S100P: variants seen among roughly 807,000 people sequenced by gnomAD.
S100P encodes S100 calcium binding protein P, also known as protein S100-P.
Under a neutral mutation model 4.7 loss-of-function variants are expected in S100P, and 7 were observed. The ratio of observed to expected loss-of-function variants is 1.48; its 90% CI spans 0.84 to 2.77. S100P has a LOEUF of 2.77. Ranked by LOEUF, S100P falls within the 30% of genes most tolerant of loss-of-function variation. The pLI is 0.00. For synonymous variants in S100P, 48 were observed against 49.0 expected (o/e 0.98, Z 0.08); for missense variants, 122 against 120.6 (o/e 1.01, Z -0.06).
intron 1 of S100P, 49 bp from the exon 2 acceptor site, chr4:6,696,844 C>A: frequency 6.4e-7 from 1 of 1,571,220 alleles, no homozygotes. Context: ...GAGGCTGAGG[C>A]CCTGCACAGG....
chr4:6,694,180 G>T (rs1294678368), intron 1 of S100P, 110 bp downstream of exon 1: 3 of 1,051,524 alleles, frequency 2.9e-6, no homozygotes, highest in South Asian at 3.3e-5. Flanking sequence ...GGGGCTCAGA[G>T]GCAAGAGGGA....
At position 6,694,024 on chromosome 4, in the gene S100P, G is replaced by A. The variant is rs866006725; in HGVS notation, c.92G>A (p.Gly31Glu). ...SEGSTQTLTK[G>E]ELKVLMEKEL... ...GGCAGCACGCAGACCCTGACCAAGG[G>A]GGAGCTCAAGGTGCTGATGGAGAAG... Residue 31 changes from glycine (G) to glutamate (E), a missense_variant, in exon 1 of 2, where the codon GGG becomes GAG. Coordinates refer to ENST00000296370, the MANE Select transcript of S100P (RefSeq NM_005980.3). 5.0e-6 allele frequency: 8 copies of A among 1,613,810 alleles called. No homozygotes were observed. Among genetic ancestry groups the A allele is most frequent in the African/African-American group, 1.3e-5 (1 of 74,938 alleles).
intron 1 of S100P, among the ~76,000 whole-genome samples, chr4:6,696,202 C>T (rs1490866094): frequency 2.6e-5 from 4 of 152,222 alleles, no homozygotes; most frequent in South Asian, 2.1e-4. Context: ...ACAGTGAGAA[C>T]GCTTTGCTAT....
intron 1 of S100P, among the ~76,000 whole-genome samples, chr4:6,694,278 GA>G (rs1180150242): frequency 6.6e-6 from 1 of 152,242 alleles, no homozygotes; most frequent in Non-Finnish European, 1.5e-5. Context: ...TGAGCAGGGA[GA>G]GGGTGTGGTC....
rs117010755 is a variant in S100P at position 6,694,628 on chromosome 4, G to C, written c.138+558G>C. Among the ~76,000 whole-genome samples, 112 of 152,276 alleles carry C rather than the reference G, an allele frequency of 7.4e-4. 1 individual carries two copies. The East Asian group carries it at 0.019, about 26-fold the overall frequency. On this transcript the variant is annotated intron_variant, in intron 1 of 1. Coordinates refer to ENST00000296370, the MANE Select transcript of S100P (RefSeq NM_005980.3). ...GCTGTGGACCTCCCTTGGGCTCCCT[G>C]CCAGGGAGGAGCCACCGGCCTGAGC...
chr4:6,696,540 G>A (rs1234935004), intron 1 of S100P, among the ~76,000 whole-genome samples: 2 of 152,218 alleles, frequency 1.3e-5, no homozygotes, highest in South Asian at 2.1e-4. Flanking sequence ...ACAAAAAATA[G>A]AGCAAAGACT....
intron 1 of S100P, among the ~76,000 whole-genome samples, chr4:6,694,529 C>A (rs745482013): frequency 6.2e-4 from 94 of 152,320 alleles, no homozygotes; most frequent in Non-Finnish European, 1.1e-3. Context: ...TTCCCAGGCC[C>A]CTTGTTGCCT....
chr4:6,694,253 G>A (rs1001060511), intron 1 of S100P, among the ~76,000 whole-genome samples, 183 bp downstream of exon 1: 1 of 152,238 alleles, frequency 6.6e-6, no homozygotes, highest in Admixed American at 6.5e-5. Context: ...TAAAGGCAGG[G>A]GAGGCGGGAG....
chr4:6,696,396 C>CT (rs1419981321), intron 1 of S100P, among the ~76,000 whole-genome samples: 4 of 152,178 alleles, frequency 2.6e-5, no homozygotes, highest in African/African-American at 9.7e-5. Flanking sequence ...CCCTTGGGCC[C>CT]TCTGGGCCTT....
intron 1 of S100P, among the ~76,000 whole-genome samples, chr4:6,694,885 T>C (rs966239776): frequency 4.6e-5 from 7 of 152,026 alleles, no homozygotes; most frequent in African/African-American, 1.4e-4. Flanking sequence ...TAATCAAAAA[T>C]GAAAGCCTGA....
rs761787079 is a variant in S100P at position 6,697,071 on chromosome 4, A to G, written c.*29A>G. On this transcript the variant is annotated 3_prime_UTR_variant, in exon 2 of 2. Coordinates refer to ENST00000296370, the MANE Select transcript of S100P (RefSeq NM_005980.3). ...CCTGGAGATGTCACAGATTCCTGGCAGAGCCATGGTCCCAGGCTTCCCAAA... is the reference window on the plus strand; with the variant it reads ...CCTGGAGATGTCACAGATTCCTGGCGGAGCCATGGTCCCAGGCTTCCCAAA... The G allele has an allele frequency of 3.0e-5, 48 of 1,598,286 alleles. No individual in the cohort carries two copies. Among genetic ancestry groups the G allele is most frequent in the Non-Finnish European group, 3.8e-5 (45 of 1,169,292 alleles).
intron 1 of S100P, 81 bp from the exon 2 acceptor site, chr4:6,696,812 T>G: frequency 1.4e-6 from 2 of 1,416,058 alleles, no homozygotes; most frequent in South Asian, 1.3e-5. Context: ...GCCCTGCTCC[T>G]GCCCAGCAGC....
chr4:6,694,090 C>T lies in S100P; in HGVS notation c.138+20C>T, dbSNP rs1399716978. 1 of 1,592,276 alleles carries T rather than the reference C, an allele frequency of 6.3e-7. No homozygotes were observed. Among genetic ancestry groups the T allele is most frequent in the South Asian group, 1.1e-5 (1 of 88,508 alleles). The stretch of plus-strand genomic sequence containing the variant: ...CTGCAGGTGAGCCAGGCCGGCAGTG[C>T]TGGACTCAGCGGGGGCTGGGGAAGA... On this transcript the variant is annotated intron_variant, in intron 1 of 1. Coordinates refer to ENST00000296370, the MANE Select transcript of S100P (RefSeq NM_005980.3).
In S100P at chr4:6,696,914, G is replaced by A. The variant is rs150927175; in HGVS notation, c.160G>A (p.Val54Met). Residue 54 changes from valine (V) to methionine (M), a missense_variant, in exon 2 of 2, where the codon GTG (valine) becomes ATG (methionine). By Grantham distance (21) the Val-to-Met change is conservative (BLOSUM62 1). Transcript: ENST00000296370. The part of the protein sequence containing the change: ...FLQSGKDKDA[V>M]DKLLKDLDAN... Reference sequence around the variant, plus strand: ...CTAGAGTGGAAAAGACAAGGATGCCGTGGATAAATTGCTCAAGGACCTGGA... The same window carrying A: ...CTAGAGTGGAAAAGACAAGGATGCCATGGATAAATTGCTCAAGGACCTGGA... 8.0e-5 allele frequency: 129 copies of A among 1,613,898 alleles called. No homozygotes were observed. The highest frequency in any genetic ancestry group is 2.5e-4 in the East Asian group (11 of 44,852).
At chr4:6,694,645 G>A (rs1028767672) in intron 1 of S100P, among the ~76,000 whole-genome samples, 46 of 152,158 alleles carry the variant, frequency 3.0e-4, no homozygotes, top group African/African-American at 1.0e-3. Flanking sequence ...AGGAGCCACC[G>A]GCCTGAGCCT....
In S100P at chr4:6,696,957, A is replaced by C; in HGVS notation, c.203A>C (p.Gln68Pro). ...LKDLDANGDA[Q>P]VDFSEFIVFV... ...GACCTGGACGCCAATGGAGATGCCC[A>C]GGTGGACTTCAGTGAGTTCATAGTG... The change falls in exon 2 of 2, where the codon CAG (glutamine) becomes CCG (proline). Residue 68 changes from glutamine (Q) to proline (P), a missense_variant. Transcript: ENST00000296370. 1.2e-6 allele frequency: 2 copies of C among 1,613,992 alleles called. No homozygotes were observed. The highest frequency in any genetic ancestry group is 1.7e-6 in the Non-Finnish European group (2 of 1,179,816).
At chr4:6,695,010 G>T (rs1437323671) in intron 1 of S100P, among the ~76,000 whole-genome samples, 1 of 149,860 alleles carries the variant, frequency 6.7e-6, no homozygotes, top group African/African-American at 2.5e-5. Context: ...TGTCACCCAG[G>T]CTGGAGTGCA....
Position 6,696,881 on chromosome 4 carries a change from T to C in S100P, c.139-12T>C. The stretch of plus-strand genomic sequence containing the variant: ...ACCCTCACTGCTGACCTTGAGCCTC[T>C]CTCTCCTCTAGAGTGGAAAAGACAA... On this transcript the variant is annotated splice_polypyrimidine_tract_variant and intron_variant, in intron 1 of 1. Coordinates refer to ENST00000296370, the MANE Select transcript of S100P (RefSeq NM_005980.3). 6.2e-7 allele frequency: 1 copy of C among 1,609,338 alleles called. No homozygotes were observed. The highest frequency in any genetic ancestry group is 2.2e-5 in the East Asian group (1 of 44,800).
At chr4:6,695,243 G>A (rs560138815) in intron 1 of S100P, among the ~76,000 whole-genome samples, 326 of 152,252 alleles carry the variant, frequency 2.1e-3, no homozygotes, top group African/African-American at 7.0e-3. Flanking sequence ...TGTGATTACA[G>A]GCGTGAGCCC....
Sources: gnomAD v4.1 joint callset for allele counts (sites outside exome capture counted in the v4.1 genomes callset) on GRCh38, gnomAD v4.1.1 for gene constraint, MANE v1.5 for transcripts, NCBI Gene and HGNC (gene_info 2026-07-23, HGNC 2026-07-21) for gene names.